PRKAA2: variants seen among roughly 807,000 people sequenced by gnomAD.
The protein encoded by PRKAA2 is 5'-AMP-activated protein kinase catalytic subunit alpha-2.
Under a neutral mutation model 56.3 loss-of-function variants are expected in PRKAA2, and 40 were observed. The ratio of observed to expected loss-of-function variants is 0.71; its 90% CI spans 0.55 to 0.92. The LOEUF is 0.92. Ranked by LOEUF, PRKAA2 falls within the 40% of genes least tolerant of loss-of-function variation. PRKAA2 has a pLI of 0.00. For synonymous variants in PRKAA2, 214 were observed against 234.2 expected, an observed-to-expected ratio of 0.91 and a Z score of 0.79; for missense variants, 542 against 686.9, an observed-to-expected ratio of 0.79 and a Z score of 2.36.
chr1:56,693,306 A>G (rs187953877), intron 4 of PRKAA2, among the ~76,000 whole-genome samples: 1 of 152,338 alleles, frequency 6.6e-6, no homozygotes, highest in Admixed American at 6.5e-5. Flanking sequence ...AAATATTTCT[A>G]AATTAAAAAC....
Position 56,707,626 on chromosome 1 carries a change from A to G in PRKAA2, c.1572A>G (p.Thr524=), listed in dbSNP as rs780687401. 3.9e-5 allele frequency: 63 copies of G among 1,613,860 alleles called. 1 individual carries two copies. Among genetic ancestry groups the G allele is most frequent in the Admixed American group, 1.7e-4 (10 of 59,984 alleles). Residue 524 remains threonine, a synonymous_variant, in exon 9 of 9, where the codon ACA becomes ACG. Coordinates refer to ENST00000371244, the MANE Select transcript of PRKAA2 (RefSeq NM_006252.4). The part of the protein sequence containing the change: ...GSLTGSLTGS[T]LSSVSPRLGS... The stretch of plus-strand genomic sequence containing the variant: ...TCACTGGCTCTTTGACCGGAAGCAC[A>G]TTGTCTTCAGTTTCACCTCGCCTGG...
At chr1:56,649,442 G>A (rs1646669480) in intron 1 of PRKAA2, among the ~76,000 whole-genome samples, 1 of 152,156 alleles carries the variant, frequency 6.6e-6, no homozygotes, top group Non-Finnish European at 1.5e-5. Flanking sequence ...AGCACTTTGG[G>A]TGACCAAGGC....
At chr1:56,653,813 TCTCTAGAAGCTG>T (rs1643921864) in intron 1 of PRKAA2, among the ~76,000 whole-genome samples, 1 of 152,274 alleles carries the variant, frequency 6.6e-6, no homozygotes, top group East Asian at 1.9e-4. Context: ...AACCTGTAAT[TCTCTAGAAGCTG>T]CTCACTTTTC....
Position 56,715,313 on chromosome 1 carries a change from GTC to G in PRKAA2, c.*7604_*7605del, listed in dbSNP as rs1198313857. The G allele has an allele frequency of 6.6e-6, 1 of 152,104 alleles. No homozygotes were observed. Among genetic ancestry groups the G allele is most frequent in the African/African-American group, 2.4e-5 (1 of 41,442 alleles). 9.4% of individuals were successfully genotyped at this position (152,104 alleles called of 1,614,324 possible). A position where few individuals can be genotyped will look rare whatever the true frequency, so the allele number is the denominator to read the frequency against. On this transcript the variant is annotated 3_prime_UTR_variant, in exon 9 of 9. Transcript: ENST00000371244. Reference sequence around the variant, plus strand: ...CTTTTTTCACAAAATCAAATTAAAAGTCTCTGATTCATTTGAAAGCTATTTTT... The same window carrying G: ...CTTTTTTCACAAAATCAAATTAAAAGTCTGATTCATTTGAAAGCTATTTTT...
intron 7 of PRKAA2, among the ~76,000 whole-genome samples, chr1:56,705,587 A>G (rs772285703): frequency 7.2e-5 from 11 of 152,104 alleles, no homozygotes; most frequent in Non-Finnish European, 1.2e-4. Flanking sequence ...TTTTGTAGAG[A>G]TGGGGTTTCA....
chr1:56,683,719 T>C (rs979329793), intron 2 of PRKAA2, among the ~76,000 whole-genome samples: 1 of 151,966 alleles, frequency 6.6e-6, no homozygotes, highest in African/African-American at 2.4e-5. Flanking sequence ...CTGAAGTGGG[T>C]GAATGTTACA....
Position 56,650,983 on chromosome 1 carries a change from A to G in PRKAA2, c.94+5502A>G, listed in dbSNP as rs141767937. On this transcript the variant is annotated intron_variant, in intron 1 of 8. Coordinates refer to ENST00000371244, the MANE Select transcript of PRKAA2 (RefSeq NM_006252.4). ...AAATCAAATTTCACACAACTGTCCCATCAATTGATGGAGCTAAAAGTTATG... is the reference window on the plus strand; with the variant it reads ...AAATCAAATTTCACACAACTGTCCCGTCAATTGATGGAGCTAAAAGTTATG... Among the ~76,000 whole-genome samples, 118 of 152,340 alleles carry G rather than the reference A, an allele frequency of 7.7e-4. 2 individuals carry two copies. The Middle Eastern group carries it at 0.014, about 18-fold the overall frequency.
intron 5 of PRKAA2, among the ~76,000 whole-genome samples, chr1:56,694,503 A>G (rs1644246606): frequency 6.6e-6 from 1 of 152,196 alleles, no homozygotes; most frequent in African/African-American, 2.4e-5. Context: ...TATAAGAAAG[A>G]TACAATAAAG....
At chr1:56,663,820 C>A (rs1490707627) in intron 1 of PRKAA2, among the ~76,000 whole-genome samples, 1 of 152,112 alleles carries the variant, frequency 6.6e-6, no homozygotes, top group African/African-American at 2.4e-5. Flanking sequence ...ATCTTGTCAG[C>A]CAAGCATGGT....
chr1:56,653,402 C>T (rs2100380665), intron 1 of PRKAA2, among the ~76,000 whole-genome samples: 1 of 151,992 alleles, frequency 6.6e-6, no homozygotes, highest in Non-Finnish European at 1.5e-5. Flanking sequence ...TAAATGGTAG[C>T]TATTTTCATA....
chr1:56,693,156 T>C (rs1644239571), intron 4 of PRKAA2, among the ~76,000 whole-genome samples: 1 of 152,154 alleles, frequency 6.6e-6, no homozygotes, highest in African/African-American at 2.4e-5. Context: ...TGCCTATTTG[T>C]GGTCTATACC....
intron 1 of PRKAA2, among the ~76,000 whole-genome samples, chr1:56,669,543 A>G (rs1200322897): frequency 1.3e-5 from 2 of 151,854 alleles, no homozygotes; most frequent in African/African-American, 4.8e-5. Flanking sequence ...CTCACCTACT[A>G]GTTGAGTGAC....
chr1:56,655,943 G>A (rs756908933), intron 1 of PRKAA2, among the ~76,000 whole-genome samples: 8 of 152,178 alleles, frequency 5.3e-5, no homozygotes, highest in Admixed American at 1.3e-4. Context: ...CATTCTAAGA[G>A]ACAGGGTGAA....
At chr1:56,648,311 G>A (rs748752527) in intron 1 of PRKAA2, among the ~76,000 whole-genome samples, 10 of 152,066 alleles carry the variant, frequency 6.6e-5, no homozygotes, top group Non-Finnish European at 1.2e-4. Context: ...AAACGTGATC[G>A]TTCAATATGT....
rs554416369 is a variant in PRKAA2, at chr1:56,650,649, T to A, written c.94+5168T>A. Reference sequence around the variant, plus strand: ...ATGTGGTTTATGATTTAAACAAATTTTTTTCAACATTTTACTCCAGAAATA... The same window carrying A: ...ATGTGGTTTATGATTTAAACAAATTATTTTCAACATTTTACTCCAGAAATA... On this transcript the variant is annotated intron_variant, in intron 1 of 8. Transcript: ENST00000371244. 2.0e-5 allele frequency among the ~76,000 whole-genome samples: 3 copies of A among 152,216 alleles called. No individual in the cohort carries two copies. The South Asian group carries it at 6.2e-4, about 31-fold the overall frequency.
chr1:56,691,156 A>T (rs926287471), intron 2 of PRKAA2, among the ~76,000 whole-genome samples: 2 of 152,246 alleles, frequency 1.3e-5, no homozygotes, highest in African/African-American at 4.8e-5. Flanking sequence ...AAAGATTTCA[A>T]AAATTATGTA....
At chr1:56,677,928 A>T (rs1329591012) in intron 2 of PRKAA2, among the ~76,000 whole-genome samples, 1 of 152,172 alleles carries the variant, frequency 6.6e-6, no homozygotes, top group Non-Finnish European at 1.5e-5. Context: ...AAGTGCTGAG[A>T]TTACAGGCTT....
intron 1 of PRKAA2, among the ~76,000 whole-genome samples, chr1:56,653,518 G>A (rs1297629788): frequency 6.6e-6 from 1 of 152,018 alleles, no homozygotes; most frequent in African/African-American, 2.4e-5. Context: ...CAGCTATGTG[G>A]TCAAACTCAA....
chr1:56,677,694 TTGCCCAGGC>T (rs1644123332), intron 2 of PRKAA2, among the ~76,000 whole-genome samples: 6 of 150,466 alleles, frequency 4.0e-5, no homozygotes, highest in Non-Finnish European at 8.8e-5. Flanking sequence ...CCTAGCTCTG[TTGCCCAGGC>T]TGGAGTGCAG....
Sources: gnomAD v4.1 joint callset for allele counts (sites outside exome capture counted in the v4.1 genomes callset) on GRCh38, gnomAD v4.1.1 for gene constraint, MANE v1.5 for transcripts, NCBI Gene and HGNC (gene_info 2026-07-23, HGNC 2026-07-21) for gene names.